Variants in SCNN1B observed in about 807,000 individuals in gnomAD.
The protein encoded by SCNN1B is epithelial sodium channel subunit beta.
In SCNN1B, 46 loss-of-function variants were observed where a neutral mutation model predicts 65.3. The observed-to-expected ratio is 0.70, with a 90% CI of 0.56 to 0.90. The LOEUF (loss-of-function observed/expected upper bound fraction) is 0.90, where lower values mean the gene tolerates loss of function less well. Among genes scored for constraint, SCNN1B ranks in the 40% least tolerant of loss-of-function variants. The pLI is 0.00. For missense variants in SCNN1B, 751 were observed against 830.5 expected, an observed-to-expected ratio of 0.90 and a Z score of 1.18; for synonymous variants, 349 against 330.6, an observed-to-expected ratio of 1.06 and a Z score of -0.60.
chr16:23,371,062 T>C (rs1166291800), intron 5 of SCNN1B, among the ~76,000 whole-genome samples: 1 of 152,086 alleles, frequency 6.6e-6, no homozygotes, highest in East Asian at 1.9e-4. Flanking sequence ...AGAAAAGAGA[T>C]CACGGGAGGC....
chr16:23,322,608 G>A (rs1183521408), intron 1 of SCNN1B, among the ~76,000 whole-genome samples: 1 of 152,070 alleles, frequency 6.6e-6, no homozygotes, highest in African/African-American at 2.4e-5. Flanking sequence ...ACTATGCCCA[G>A]TCCAGCAATG....
intron 1 of SCNN1B, among the ~76,000 whole-genome samples, chr16:23,316,395 T>TCAC (rs535990426): frequency 0.092 from 12,632 of 137,384 alleles, 2,270 homozygotes; most frequent in African/African-American, 0.34. Context: ...ATCATCACCA[T>TCAC]CATCATCATC....
At chr16:23,285,480 T>A (rs1011548383) in intron 2 of SCNN1B, among the ~76,000 whole-genome samples, 2 of 151,760 alleles carry the variant, frequency 1.3e-5, no homozygotes, top group Admixed American at 1.3e-4. Context: ...CCTAAAAAAA[T>A]ATGTTTTAAA....
intron 1 of SCNN1B, among the ~76,000 whole-genome samples, chr16:23,332,171 G>A (rs1334584174): frequency 6.6e-6 from 1 of 152,014 alleles, no homozygotes; most frequent in South Asian, 2.1e-4. Context: ...TGGGACCACA[G>A]GCACATGCCA....
chr16:23,342,541 C>G (rs1962074536), intron 1 of SCNN1B, among the ~76,000 whole-genome samples: 1 of 152,206 alleles, frequency 6.6e-6, no homozygotes, highest in African/African-American at 2.4e-5. Flanking sequence ...GCCACTGTGC[C>G]CAGCCTGCAA....
At chr16:23,280,707 A>T (rs1960772247) in intron 1 of SCNN1B, among the ~76,000 whole-genome samples, 1 of 152,158 alleles carries the variant, frequency 6.6e-6, no homozygotes, top group Non-Finnish European at 1.5e-5. Context: ...CTCTTTCACC[A>T]CTATGCAGTC....
rs2303156 is a variant in SCNN1B, at chr16:23,375,806, A to G, written c.1221A>G (p.Pro407=). 5.8e-4 allele frequency: 938 copies of G among 1,614,042 alleles called. 1 individual carries two copies. Among genetic ancestry groups the G allele is most frequent in the East Asian group, 2.6e-3 (115 of 44,880 alleles). The change falls in exon 8 of 13, where the codon CCA becomes CCG. Residue 407 remains proline, a synonymous_variant. Coordinates refer to ENST00000343070, the MANE Select transcript of SCNN1B (RefSeq NM_000336.3). ...GCAACTGTGGCCACTACCTGTACCC[A>G]CTGCCCCGTGGGGAGAAATACTGCA... The part of the protein sequence containing the change: ...RNCNCGHYLY[P]LPRGEKYCNN...
chr16:23,357,993 G>T (rs779679873), intron 4 of SCNN1B, among the ~76,000 whole-genome samples: 1 of 152,178 alleles, frequency 6.6e-6, no homozygotes, highest in Non-Finnish European at 1.5e-5. Flanking sequence ...GTGAGAACAC[G>T]CCCAGGAGCG....
chr16:23,334,762 T>A (rs951435151), intron 1 of SCNN1B, among the ~76,000 whole-genome samples: 2 of 152,222 alleles, frequency 1.3e-5, no homozygotes. Flanking sequence ...CATGCACCAA[T>A]GCACCAAAGC....
intron 4 of SCNN1B, chr16:23,359,182 A>G (rs1208252079): frequency 6.6e-6 from 1 of 152,150 alleles, no homozygotes; most frequent in African/African-American, 2.4e-5. Context: ...AGCCTCCCAA[A>G]GTGCTGGAAT....
chr16:23,381,047 T>C lies in SCNN1B; in HGVS notation c.*246T>C. 1.7e-6 allele frequency: 1 copy of C among 574,636 alleles called. No homozygotes were observed. Among genetic ancestry groups the C allele is most frequent in the Non-Finnish European group, 3.1e-6 (1 of 318,190 alleles). The allele number at this position is 574,636 out of a possible 1,614,324, so 35.6% of individuals were successfully genotyped here. A position where few individuals can be genotyped will look rare whatever the true frequency, so the allele number is the denominator to read the frequency against. On this transcript the variant is annotated 3_prime_UTR_variant, in exon 13 of 13. Coordinates refer to ENST00000343070, the MANE Select transcript of SCNN1B (RefSeq NM_000336.3). ...TTCACCTGGTTCCTACCCTCGTCCC[T>C]ACCTGTCCTGATCCTGGTCCTGAAG...
rs1464904233 is a variant in SCNN1B, at chr16:23,343,638, AG to A, written c.-8-4953del. Among the ~76,000 whole-genome samples the A allele has an allele frequency of 1.9e-4, 26 of 137,028 alleles. 1 individual carries two copies. Among genetic ancestry groups the A allele is most frequent in the Non-Finnish European group, 3.0e-4 (19 of 63,122 alleles). 89.9% of individuals were successfully genotyped at this position (137,028 alleles called of 152,430 possible). On this transcript the variant is annotated intron_variant, in intron 1 of 12. Transcript: ENST00000343070. ...AAGAAAGAAAGAAAGAAAGAAAGAA[AG>A]AAAGAAAGAAAAAAAGAAAGGAAGG... is the stretch of plus-strand genomic sequence containing the variant.
At chr16:23,358,909 A>G (rs78770989) in intron 4 of SCNN1B, among the ~76,000 whole-genome samples, 2,595 of 152,356 alleles carry the variant, frequency 0.017, 77 homozygotes, top group African/African-American at 0.059. Flanking sequence ...TCTCTTAAAA[A>G]ACAGCAACAA....
chr16:23,363,712 G>A (rs1347191550), intron 4 of SCNN1B, among the ~76,000 whole-genome samples: 1 of 152,128 alleles, frequency 6.6e-6, no homozygotes, highest in African/African-American at 2.4e-5. Context: ...TACTCAGGAG[G>A]CTGAGGCAGG....
intron 1 of SCNN1B, among the ~76,000 whole-genome samples, chr16:23,317,638 G>A (rs888613998): frequency 3.3e-5 from 5 of 152,176 alleles, no homozygotes; most frequent in African/African-American, 1.2e-4. Flanking sequence ...TCCTGCTCCT[G>A]TCCCAAAGGG....
chr16:23,293,040 G>A (rs1960948076), intron 2 of SCNN1B, among the ~76,000 whole-genome samples: 2 of 147,520 alleles, frequency 1.4e-5, no homozygotes, highest in African/African-American at 5.0e-5. Context: ...GCTTGAACCC[G>A]GGAGGTGAAG....
intron 1 of SCNN1B, among the ~76,000 whole-genome samples, chr16:23,330,978 G>A (rs1961799544): frequency 6.6e-6 from 1 of 152,178 alleles, no homozygotes; most frequent in Non-Finnish European, 1.5e-5. Flanking sequence ...CCTGGCACAT[G>A]CTCCCTGAAA....
chr16:23,298,744 G>C (rs1395446802), upstream of SCNN1B, among the ~76,000 whole-genome samples: 3 of 152,142 alleles, frequency 2.0e-5, no homozygotes, highest in Non-Finnish European at 4.4e-5. Flanking sequence ...CTCCTCAGGA[G>C]GCCAAGTTAA....
rs183283169 is a variant in SCNN1B, at chr16:23,311,979, G to A, written c.-9+9542G>A. On this transcript the variant is annotated intron_variant, in intron 1 of 12. Coordinates refer to ENST00000343070, the MANE Select transcript of SCNN1B (RefSeq NM_000336.3). ...CCTCCCTGGTTGCATTTGGGGGTGCGGTGGGGGAGCAGAGGCTGATGTAGG... is the reference window on the plus strand; with the variant it reads ...CCTCCCTGGTTGCATTTGGGGGTGCAGTGGGGGAGCAGAGGCTGATGTAGG... Among the ~76,000 whole-genome samples, 5 of 152,008 alleles carry A rather than the reference G, an allele frequency of 3.3e-5. No individual in the cohort carries two copies. The East Asian group carries it at 7.8e-4, about 24-fold the overall frequency.
Sources: allele counts gnomAD v4.1 joint callset (sites outside exome capture counted in the v4.1 genomes callset), GRCh38; gene constraint gnomAD v4.1.1; transcripts MANE v1.5; gene names NCBI Gene and HGNC (gene_info 2026-07-23, HGNC 2026-07-21).